The following SMYD3 variants were observed in gnomAD, a reference collection of about 807,000 sequenced individuals.
The protein encoded by SMYD3 is SET and MYND domain containing 3, also known as histone-lysine N-methyltransferase SMYD3.
In SMYD3, 36 loss-of-function variants were observed where a neutral mutation model predicts 57.7. The observed-to-expected ratio is 0.62, with a 90% confidence interval of 0.48 to 0.82. The LOEUF (loss-of-function observed/expected upper bound fraction) is 0.82, where lower values mean the gene tolerates loss of function less well. Among genes scored for constraint, SMYD3 ranks in the 40% least tolerant of loss-of-function variants. SMYD3 has a pLI of 0.00. For synonymous variants in SMYD3, 211 were observed against 195.0 expected (o/e 1.08, Z -0.68); for missense variants, 515 against 538.8 (o/e 0.96, Z 0.44).
chr1:246,169,381 C>CAAAAAAA lies in SMYD3; in HGVS notation c.531+157813_531+157819dup, dbSNP rs55719556. ...AGTTACAGGGCAAAAGACTTTCTTT[C>CAAAAAAA]AAAAAAAAAAAAAAAAAAAAAAACC... On this transcript the variant is annotated intron_variant, in intron 5 of 11. Transcript: ENST00000490107. 1.5e-3 allele frequency among the ~76,000 whole-genome samples: 90 copies of CAAAAAAA among 61,864 alleles called. 1 individual carries two copies. Among genetic ancestry groups the CAAAAAAA allele is most frequent in the Non-Finnish European group, 2.1e-3 (74 of 35,184 alleles). 40.6% of individuals were successfully genotyped at this position (61,864 alleles called of 152,430 possible). A position where few individuals can be genotyped will look rare whatever the true frequency, so the allele number is the denominator to read the frequency against.
chr1:245,756,646 C>T (rs138489380), intron 11 of SMYD3, among the ~76,000 whole-genome samples: 1 of 151,980 alleles, frequency 6.6e-6, no homozygotes, highest in African/African-American at 2.4e-5. Flanking sequence ...AAGGGCAACC[C>T]AAGCTTTGGG....
At chr1:246,170,303 T>G (rs188889947) in intron 5 of SMYD3, among the ~76,000 whole-genome samples, 386 of 152,130 alleles carry the variant, frequency 2.5e-3, no homozygotes, top group African/African-American at 9.1e-3. Context: ...ATAATCCAAC[T>G]AATACTGCAG....
intron 5 of SMYD3, among the ~76,000 whole-genome samples, chr1:246,319,520 C>T (rs1355540880): frequency 2.0e-5 from 3 of 152,116 alleles, no homozygotes; most frequent in South Asian, 2.1e-4. Context: ...ATTAGATAAT[C>T]CATCACTTTA....
intron 10 of SMYD3, among the ~76,000 whole-genome samples, chr1:245,806,604 T>C (rs994915311): frequency 6.6e-6 from 1 of 152,090 alleles, no homozygotes; most frequent in African/African-American, 2.4e-5. Flanking sequence ...AGATGAACTT[T>C]CAAAGTGGGT....
At chr1:245,783,977 CCAAA>C (rs1381494563) in intron 10 of SMYD3, among the ~76,000 whole-genome samples, 2 of 152,160 alleles carry the variant, frequency 1.3e-5, no homozygotes, top group Non-Finnish European at 2.9e-5. Flanking sequence ...GATATATAGG[CCAAA>C]CAATTTCTAT....
chr1:246,404,751 T>C (rs539135275), intron 1 of SMYD3, among the ~76,000 whole-genome samples: 25 of 152,204 alleles, frequency 1.6e-4, no homozygotes, highest in Admixed American at 5.9e-4. Flanking sequence ...AAATTGAAAA[T>C]CAACTTCCTC....
chr1:246,213,954 C>T (rs1260253343), intron 5 of SMYD3, among the ~76,000 whole-genome samples: 1 of 152,166 alleles, frequency 6.6e-6, no homozygotes, highest in Non-Finnish European at 1.5e-5. Flanking sequence ...GCAGAGCTAG[C>T]TTCCATAACC....
chr1:245,941,372 C>T (rs1433691707), intron 5 of SMYD3, among the ~76,000 whole-genome samples: 1 of 152,112 alleles, frequency 6.6e-6, no homozygotes, highest in African/African-American at 2.4e-5. Flanking sequence ...TCATCAGATT[C>T]TCCATGGTTG....
At chr1:245,852,999 T>C (rs571196712) in intron 10 of SMYD3, among the ~76,000 whole-genome samples, 1 of 152,344 alleles carries the variant, frequency 6.6e-6, no homozygotes, top group East Asian at 1.9e-4. Flanking sequence ...GATACTTTAA[T>C]TGAAAACTAC....
At chr1:245,755,075 A>T (rs1244580911) in intron 11 of SMYD3, among the ~76,000 whole-genome samples, 1 of 152,106 alleles carries the variant, frequency 6.6e-6, no homozygotes, top group African/African-American at 2.4e-5. Flanking sequence ...ACTCTGAGAG[A>T]CTCTGAAGAA....
At chr1:246,156,180 A>G (rs4654092) in intron 5 of SMYD3, among the ~76,000 whole-genome samples, 78,750 of 151,918 alleles carry the variant, frequency 0.52, 24,986 homozygotes, top group Non-Finnish European at 0.73. Context: ...GGGCCTATGA[A>G]TCATTTCTAG....
chr1:245,967,808 C>T (rs1055665974), intron 5 of SMYD3, among the ~76,000 whole-genome samples: 2 of 152,136 alleles, frequency 1.3e-5, no homozygotes, highest in South Asian at 4.1e-4. Context: ...GACTAATTTA[C>T]CCAAATAAAA....
chr1:246,161,595 T>G (rs181002416), intron 5 of SMYD3, among the ~76,000 whole-genome samples: 20 of 152,322 alleles, frequency 1.3e-4, no homozygotes, highest in Admixed American at 1.2e-3. Context: ...TTTACTTTTC[T>G]TTCTCCGCGA....
chr1:245,769,691 G>GA (rs1558318052), intron 10 of SMYD3, among the ~76,000 whole-genome samples: 1 of 152,264 alleles, frequency 6.6e-6, no homozygotes, highest in South Asian at 2.1e-4. Context: ...GCGCATGGAA[G>GA]AAAAAATGTC....
chr1:246,091,096 G>A (rs559684499), intron 5 of SMYD3, among the ~76,000 whole-genome samples: 36 of 152,266 alleles, frequency 2.4e-4, no homozygotes, highest in African/African-American at 5.3e-4. Flanking sequence ...AGTTAGAAAC[G>A]CGGTTAGCAC....
At chr1:246,039,210 A>G (rs1329665169) in intron 5 of SMYD3, among the ~76,000 whole-genome samples, 1 of 152,226 alleles carries the variant, frequency 6.6e-6, no homozygotes, top group Non-Finnish European at 1.5e-5. Context: ...TTGTTGAATT[A>G]CAAAAATTAT....
intron 1 of SMYD3, among the ~76,000 whole-genome samples, chr1:246,433,061 CT>C (rs753264211): frequency 2.6e-5 from 4 of 152,090 alleles, no homozygotes; most frequent in Non-Finnish European, 5.9e-5. Context: ...GATTCTATAC[CT>C]ATAAAACCCT....
intron 4 of SMYD3, among the ~76,000 whole-genome samples, chr1:246,330,164 A>G (rs1300613304): frequency 6.6e-6 from 1 of 152,230 alleles, no homozygotes; most frequent in African/African-American, 2.4e-5. Flanking sequence ...AGAAAACAGA[A>G]CAGGAAACCA....
chr1:246,096,015 T>C (rs1292865520), intron 5 of SMYD3, among the ~76,000 whole-genome samples: 1 of 152,264 alleles, frequency 6.6e-6, no homozygotes, highest in East Asian at 1.9e-4. Context: ...ATGATTATAG[T>C]ATTTTCTTCA....
Sources: allele counts gnomAD v4.1 joint callset (sites outside exome capture counted in the v4.1 genomes callset), GRCh38; gene constraint gnomAD v4.1.1; transcripts MANE v1.5; gene names NCBI Gene and HGNC (gene_info 2026-07-23, HGNC 2026-07-21).